The following MSRB3 variants were observed in gnomAD, a reference collection of about 807,000 sequenced individuals.
MSRB3 encodes methionine sulfoxide reductase B3, also known as methionine-R-sulfoxide reductase B3.
A neutral mutation model predicts 21.0 loss-of-function variants in MSRB3; 13 were observed. That is an observed-to-expected ratio of 0.62 (90% CI 0.40 to 0.98). The LOEUF (loss-of-function observed/expected upper bound fraction) is 0.98. Ranked by LOEUF, MSRB3 falls within the 50% of genes least tolerant of loss-of-function variation. MSRB3 has a pLI of 0.00. For missense variants in MSRB3, 199 were observed against 230.3 expected (o/e 0.86, Z 0.88); for synonymous variants, 87 against 88.6 (o/e 0.98, Z 0.10).
intron 5 of MSRB3, among the ~76,000 whole-genome samples, chr12:65,396,908 T>G (rs2136592734): frequency 6.6e-6 from 1 of 152,246 alleles, no homozygotes; most frequent in East Asian, 1.9e-4. Flanking sequence ...GTTCAACTAT[T>G]TCCTTACTAA....
At chr12:65,402,915 T>A (rs1880209492) in intron 5 of MSRB3, among the ~76,000 whole-genome samples, 1 of 152,194 alleles carries the variant, frequency 6.6e-6, no homozygotes, top group Non-Finnish European at 1.5e-5. Flanking sequence ...CCCTGTTTGC[T>A]TGGGTATCAC....
intron 5 of MSRB3, among the ~76,000 whole-genome samples, chr12:65,446,688 G>A (rs879666057): frequency 6.6e-6 from 1 of 151,758 alleles, no homozygotes; most frequent in Non-Finnish European, 1.5e-5. Flanking sequence ...GAATTGGAGT[G>A]GGGTAGGGAG....
intron 5 of MSRB3, among the ~76,000 whole-genome samples, chr12:65,376,206 G>A (rs1217047992): frequency 4.1e-5 from 6 of 144,894 alleles, no homozygotes; most frequent in Non-Finnish European, 8.9e-5. Context: ...TGCAAGCTCC[G>A]CCTCCTGGGT....
chr12:65,450,422 T>C (rs1052176571), intron 5 of MSRB3, among the ~76,000 whole-genome samples: 10 of 152,222 alleles, frequency 6.6e-5, no homozygotes, highest in African/African-American at 2.4e-4. Context: ...GCATCCTTGA[T>C]AATAATAGGC....
rs1555209340 is a variant in MSRB3 at position 65,396,704 on chromosome 12, A to AGAAAGAAAGAAAGAAAGAAAAGAAAG, written c.292+27678_292+27679insGAAAGAAAGAAAGAAAGAAAAGAAAG. 2.6e-3 allele frequency among the ~76,000 whole-genome samples: 143 copies of AGAAAGAAAGAAAGAAAGAAAAGAAAG among 54,156 alleles called. 5 individuals carry two copies. Among genetic ancestry groups the AGAAAGAAAGAAAGAAAGAAAAGAAAG allele is most frequent in the African/African-American group, 9.2e-3 (137 of 14,944 alleles). The allele number at this position is 54,156 out of a possible 152,430, so 35.5% of individuals were successfully genotyped here. On this transcript the variant is annotated intron_variant, in intron 5 of 6. Transcript: ENST00000308259. ...GAAACTCCATCTCAAAAAAAAAAAA[A>AGAAAGAAAGAAAGAAAGAAAAGAAAG]AAAGAAAGAAAGAAAGAAAGAAAGA... is the stretch of plus-strand genomic sequence containing the variant.
In MSRB3 at chr12:65,371,315, C is replaced by T. The variant is rs1408167308; in HGVS notation, c.292+2289C>T. Among the ~76,000 whole-genome samples the T allele has an allele frequency of 1.0e-3, 116 of 112,680 alleles. 1 individual carries two copies. The highest frequency in any genetic ancestry group is 3.8e-3 in the African/African-American group (109 of 28,322). 73.9% of individuals were successfully genotyped at this position (112,680 alleles called of 152,430 possible). A position where few individuals can be genotyped will look rare whatever the true frequency, so the allele number is the denominator to read the frequency against. On this transcript the variant is annotated intron_variant, in intron 5 of 6. Transcript: ENST00000308259. ...TGCACTCCAGCCTGGGCGACAAGAG[C>T]GAGACTCCATCTCAAAAAAAAAAAA...
chr12:65,294,117 C>T (rs919042949), intron 1 of MSRB3, among the ~76,000 whole-genome samples: 2 of 152,166 alleles, frequency 1.3e-5, no homozygotes, highest in South Asian at 2.1e-4. Context: ...TTTCAAGAGG[C>T]AGCATGGCAG....
intron 2 of MSRB3, among the ~76,000 whole-genome samples, chr12:65,324,112 TAC>T (rs1874863389): frequency 6.6e-6 from 1 of 152,218 alleles, no homozygotes; most frequent in African/African-American, 2.4e-5. Context: ...AAACCTCACT[TAC>T]AGTTAGGAAA....
intron 5 of MSRB3, among the ~76,000 whole-genome samples, chr12:65,438,729 G>A (rs534315106): frequency 1.3e-5 from 2 of 151,838 alleles, no homozygotes; most frequent in South Asian, 2.1e-4. Flanking sequence ...AGAAAAGGGA[G>A]GATATAGCAT....
At chr12:65,431,507 G>T (rs1036710958) in intron 5 of MSRB3, among the ~76,000 whole-genome samples, 11 of 151,972 alleles carry the variant, frequency 7.2e-5, no homozygotes, top group African/African-American at 2.7e-4. Flanking sequence ...TTGGTATAAA[G>T]GAAAAGGGGA....
chr12:65,342,463 C>A (rs528858459), intron 4 of MSRB3, among the ~76,000 whole-genome samples: 1 of 151,900 alleles, frequency 6.6e-6, no homozygotes, highest in African/African-American at 2.4e-5. Context: ...GTGAAGATTT[C>A]CAATATTGTC....
intron 2 of MSRB3, among the ~76,000 whole-genome samples, chr12:65,311,299 G>A (rs1873970329): frequency 1.3e-5 from 2 of 151,944 alleles, no homozygotes; most frequent in Admixed American, 6.6e-5. Flanking sequence ...TTCTTATCTA[G>A]GGCTTGTAAA....
At position 65,326,925 on chromosome 12, in the gene MSRB3, G is replaced by C. The variant is rs1328034910; in HGVS notation, c.176G>C (p.Gly59Ala). ...PLQYHVTQEK[G>A]TESAFEGEYT... ...CAGTACCATGTCACTCAGGAGAAAG[G>C]GACCGAAAGGTAAGGTGAGCTTTAA... Residue 59 changes from glycine to alanine, a missense_variant, in exon 3 of 7, where the codon GGG becomes GCG. By Grantham distance (60) the Gly-to-Ala change is moderately conservative. Coordinates refer to ENST00000308259, the MANE Select transcript of MSRB3 (RefSeq NM_001031679.3). 6.2e-7 allele frequency: 1 copy of C among 1,612,644 alleles called. No individual in the cohort carries two copies. Among genetic ancestry groups the C allele is most frequent in the African/African-American group, 1.3e-5 (1 of 74,874 alleles).
At chr12:65,279,962 A>G (rs1871913440) in intron 1 of MSRB3, among the ~76,000 whole-genome samples, 1 of 152,186 alleles carries the variant, frequency 6.6e-6, no homozygotes, top group Admixed American at 6.5e-5. Context: ...AATAGACTAA[A>G]TTGTCAAATA....
At chr12:65,441,582 T>C (rs1357732863) in intron 5 of MSRB3, among the ~76,000 whole-genome samples, 1 of 151,944 alleles carries the variant, frequency 6.6e-6, no homozygotes, top group Admixed American at 6.6e-5. Flanking sequence ...TGGAATACAC[T>C]GGGAACAAAA....
chr12:65,313,965 C>T (rs1874141993), intron 2 of MSRB3, among the ~76,000 whole-genome samples: 1 of 152,140 alleles, frequency 6.6e-6, no homozygotes, highest in African/African-American at 2.4e-5. Context: ...CACATAGGTG[C>T]ATTGTGAAAA....
chr12:65,327,025 C>A, intron 3 of MSRB3, 91 bp downstream of exon 3: 1 of 895,646 alleles, frequency 1.1e-6, no homozygotes, highest in Non-Finnish European at 1.8e-6. Flanking sequence ...TAATTTAAAG[C>A]ATTCTATACT....
chr12:65,305,692 G>A (rs1873612279), intron 1 of MSRB3, among the ~76,000 whole-genome samples: 1 of 152,170 alleles, frequency 6.6e-6, no homozygotes, highest in Admixed American at 6.5e-5. Flanking sequence ...GCTAATAAAT[G>A]TGAAATGCTT....
At chr12:65,300,104 A>G (rs1873227153) in intron 1 of MSRB3, among the ~76,000 whole-genome samples, 1 of 152,214 alleles carries the variant, frequency 6.6e-6, no homozygotes. Flanking sequence ...GGATTTAGGC[A>G]TTGACTTGCT....
Sources: gnomAD v4.1 joint callset for allele counts (sites outside exome capture counted in the v4.1 genomes callset) on GRCh38, gnomAD v4.1.1 for gene constraint, MANE v1.5 for transcripts, NCBI Gene and HGNC (gene_info 2026-07-23, HGNC 2026-07-21) for gene names.